KCNH7: variants seen among roughly 807,000 people sequenced by gnomAD.
The protein encoded by KCNH7 is voltage-gated inwardly rectifying potassium channel KCNH7.
Under a neutral mutation model 120.8 loss-of-function variants are expected in KCNH7, and 49 were observed. The observed-to-expected ratio is 0.41, with a 90% CI of 0.32 to 0.51. The LOEUF (loss-of-function observed/expected upper bound fraction) is 0.51. Ranked by LOEUF, KCNH7 falls within the 20% of genes least tolerant of loss-of-function variation. The pLI, the probability that KCNH7 is intolerant of heterozygous loss-of-function variation, is 0.38. For synonymous variants in KCNH7, 547 were observed against 516.1 expected (o/e 1.06, Z -0.81); for missense variants, 1,097 against 1,446.6 (o/e 0.76, Z 3.92).
chr2:162,597,025 G>T (rs982620445), intron 2 of KCNH7, among the ~76,000 whole-genome samples: 3 of 152,026 alleles, frequency 2.0e-5, no homozygotes, highest in African/African-American at 7.2e-5. Context: ...TTTTGAAATG[G>T]TTATTTAAAA....
At chr2:162,457,198 G>C (rs1302069281) in intron 6 of KCNH7, among the ~76,000 whole-genome samples, 15 of 151,926 alleles carry the variant, frequency 9.9e-5, no homozygotes, top group Non-Finnish European at 2.9e-5. Flanking sequence ...TGACTAAAAA[G>C]GAAAAAAGCT....
chr2:162,459,452 C>A (rs1689078611), intron 6 of KCNH7, among the ~76,000 whole-genome samples: 1 of 152,150 alleles, frequency 6.6e-6, no homozygotes, highest in Admixed American at 6.5e-5. Flanking sequence ...TCGAGAACTA[C>A]AGTTCCCAGC....
At chr2:162,513,484 TC>T (rs1691182296) in intron 4 of KCNH7, among the ~76,000 whole-genome samples, 1 of 142,350 alleles carries the variant, frequency 7.0e-6, no homozygotes, top group Non-Finnish European at 1.5e-5. Flanking sequence ...CTTCCTTCCT[TC>T]CTTCCTTCCT....
chr2:162,446,875 A>C (rs767165509), intron 6 of KCNH7, among the ~76,000 whole-genome samples: 7 of 152,116 alleles, frequency 4.6e-5, no homozygotes, highest in Non-Finnish European at 8.8e-5. Flanking sequence ...ATCCATGGTC[A>C]CATTTAATTT....
chr2:162,691,082 C>T (rs555947846), intron 2 of KCNH7, among the ~76,000 whole-genome samples: 2 of 152,234 alleles, frequency 1.3e-5, no homozygotes, highest in East Asian at 3.9e-4. Context: ...ACAATAACAA[C>T]AATCAGATAG....
chr2:162,632,304 A>G (rs1683800539), intron 2 of KCNH7, among the ~76,000 whole-genome samples: 1 of 151,966 alleles, frequency 6.6e-6, no homozygotes, highest in Admixed American at 6.6e-5. Flanking sequence ...ATGAAATTAT[A>G]AAGGAAGGTG....
rs200594018 is a variant in KCNH7, at chr2:162,384,874, G to A, written c.2776C>T (p.His926Tyr). Residue 926 changes from histidine (H) to tyrosine (Y), a missense_variant, in exon 13 of 16, where the codon CAC becomes TAC. His to Tyr is a moderately conservative substitution (Grantham distance 83). Coordinates refer to ENST00000332142, the MANE Select transcript of KCNH7 (RefSeq NM_033272.4). ...TIRHYQSSKRHFEEKKSRSSS... is the reference protein window; with the variant it reads ...TIRHYQSSKRYFEEKKSRSSS... ...GATCTGCTTTTTTTCTCTTCAAAGT[G>A]TCTCTTGGAACTCTGATAATGTCTT... 3.1e-6 allele frequency: 5 copies of A among 1,612,006 alleles called. No individual in the cohort carries two copies. Among genetic ancestry groups the A allele is most frequent in the Non-Finnish European group, 4.2e-6 (5 of 1,178,578 alleles).
chr2:162,563,851 T>C (rs13002126), intron 2 of KCNH7, among the ~76,000 whole-genome samples: 95,828 of 151,964 alleles, frequency 0.63, 31,622 homozygotes, highest in African/African-American at 0.82. Flanking sequence ...TTCTCTTTCT[T>C]CTTAGCATTT....
chr2:162,729,259 G>A (rs1360933259), intron 2 of KCNH7, among the ~76,000 whole-genome samples: 1 of 147,094 alleles, frequency 6.8e-6, no homozygotes, highest in East Asian at 2.1e-4. Context: ...TCCACCTCCC[G>A]GGTTCCCGCC....
rs1287964437 is a variant in KCNH7 at position 162,836,760 on chromosome 2, T to A, written c.84A>T (p.Lys28Asn). The A allele has an allele frequency of 1.9e-6, 3 of 1,610,264 alleles. No individual in the cohort carries two copies. The change falls in exon 2 of 16, where the codon AAA becomes AAT. Residue 28 changes from lysine (K) to asparagine (N), a missense_variant. Physicochemically the swap from Lys to Asn is moderately conservative, Grantham distance 94 (BLOSUM62 0). Coordinates refer to ENST00000332142, the MANE Select transcript of KCNH7 (RefSeq NM_033272.4). ...GCACTCTGGCATTTGCAATGATAAA[T>A]TTTTTATCTGTAATAAGAAGACAGT... is the stretch of plus-strand genomic sequence containing the variant. ...IIRKFEGQNKKFIIANARVQN... is the reference protein window; with the variant it reads ...IIRKFEGQNKNFIIANARVQN...
intron 9 of KCNH7, among the ~76,000 whole-genome samples, chr2:162,404,140 G>T (rs1362348162): frequency 6.6e-6 from 1 of 151,890 alleles, no homozygotes. Context: ...GCTACAAAGA[G>T]TTGCTATGTC....
chr2:162,644,359 A>G (rs537327726), intron 2 of KCNH7, among the ~76,000 whole-genome samples: 4 of 152,160 alleles, frequency 2.6e-5, no homozygotes, highest in Non-Finnish European at 5.9e-5. Context: ...AAAGTGACTA[A>G]TGATCCCACC....
At chr2:162,540,766 G>A (rs953403761) in intron 2 of KCNH7, among the ~76,000 whole-genome samples, 1 of 152,030 alleles carries the variant, frequency 6.6e-6, no homozygotes, top group African/African-American at 2.4e-5. Flanking sequence ...TTATCCAGGG[G>A]TTAGCATGAT....
intron 2 of KCNH7, among the ~76,000 whole-genome samples, chr2:162,752,477 C>G (rs1337738862): frequency 2.0e-5 from 3 of 152,078 alleles, no homozygotes; most frequent in Non-Finnish European, 4.4e-5. Context: ...AATCATTTAA[C>G]TAATTATTTA....
intron 2 of KCNH7, among the ~76,000 whole-genome samples, chr2:162,778,191 G>A (rs1197410244): frequency 6.6e-6 from 1 of 152,012 alleles, no homozygotes; most frequent in Non-Finnish European, 1.5e-5. Context: ...TTATTTTCTA[G>A]AACTAATCTC....
chr2:162,615,370 G>C (rs574477632), intron 2 of KCNH7, among the ~76,000 whole-genome samples: 1 of 152,186 alleles, frequency 6.6e-6, no homozygotes, highest in South Asian at 2.1e-4. Flanking sequence ...AAATAAATAG[G>C]CAATTACTGT....
intron 2 of KCNH7, among the ~76,000 whole-genome samples, chr2:162,636,947 C>T (rs951538144): frequency 6.6e-6 from 1 of 152,084 alleles, no homozygotes; most frequent in South Asian, 2.1e-4. Flanking sequence ...GGACACTTGG[C>T]TGCTTGCCAC....
intron 9 of KCNH7, 87 bp downstream of exon 9, chr2:162,423,249 C>T (rs1687760035): frequency 6.2e-7 from 1 of 1,607,150 alleles, no homozygotes; most frequent in Non-Finnish European, 8.5e-7. Flanking sequence ...GCAAGGGGTT[C>T]AAAGCTGGTG....
intron 6 of KCNH7, among the ~76,000 whole-genome samples, chr2:162,457,309 G>A (rs1272805319): frequency 2.0e-5 from 3 of 151,942 alleles, no homozygotes; most frequent in African/African-American, 4.8e-5. Flanking sequence ...GAACTATTAC[G>A]AGGATTTTCT....
Sources: gnomAD v4.1 joint callset for allele counts (sites outside exome capture counted in the v4.1 genomes callset) on GRCh38, gnomAD v4.1.1 for gene constraint, MANE v1.5 for transcripts, NCBI Gene and HGNC (gene_info 2026-07-23, HGNC 2026-07-21) for gene names.